The following PARN variants were observed in gnomAD, a reference collection of about 807,000 sequenced individuals.
PARN encodes poly(A)-specific ribonuclease PARN.
PARN carries 71 observed loss-of-function variants against 102.8 expected under a neutral mutation model. The observed-to-expected ratio is 0.69, with a 90% CI of 0.57 to 0.84. PARN has a LOEUF of 0.84. PARN is among the 40% of genes least tolerant of loss of function. The probability of loss-of-function intolerance (pLI) is 0.00; values close to 1 mark genes in which losing one functional copy is unlikely to be tolerated. For missense variants in PARN, 782 were observed against 760.9 expected (o/e 1.03, Z -0.33); for synonymous variants, 261 against 252.9 (o/e 1.03, Z -0.30).
chr16:14,616,981 C>G (rs890440972), intron 6 of PARN, among the ~76,000 whole-genome samples: 1 of 150,266 alleles, frequency 6.7e-6, no homozygotes, highest in African/African-American at 2.5e-5. Context: ...AAACTGCACT[C>G]GATAAAAACA....
At chr16:14,515,541 C>T (rs1328482420) in intron 21 of PARN, among the ~76,000 whole-genome samples, 4 of 152,014 alleles carry the variant, frequency 2.6e-5, no homozygotes, top group African/African-American at 4.8e-5. Flanking sequence ...ATTCTCCCTA[C>T]GGCCAATGAA....
intron 21 of PARN, among the ~76,000 whole-genome samples, chr16:14,506,202 G>C (rs1964888445): frequency 6.6e-6 from 1 of 152,142 alleles, no homozygotes; most frequent in Non-Finnish European, 1.5e-5. Flanking sequence ...CAACTGATCT[G>C]AACTCCTCAG....
chr16:14,487,063 G>A (rs1200596224), intron 21 of PARN, among the ~76,000 whole-genome samples: 3 of 152,342 alleles, frequency 2.0e-5, no homozygotes, highest in East Asian at 1.9e-4. Flanking sequence ...GATCCCAACC[G>A]GCCCACCCGG....
intron 18 of PARN, among the ~76,000 whole-genome samples, chr16:14,563,522 G>GTGTGTGTGTATATATA (rs1423811963): frequency 2.0e-3 from 304 of 149,232 alleles, no homozygotes; most frequent in African/African-American, 2.0e-3. Context: ...GTGTGTGTGT[G>GTGTGTGTGTATATATA]TATATAATTC....
intron 21 of PARN, among the ~76,000 whole-genome samples, chr16:14,545,904 G>A (rs72787678): frequency 0.083 from 12,572 of 152,070 alleles, 827 homozygotes; most frequent in South Asian, 0.31. Flanking sequence ...AATCACATAC[G>A]GTTCTAGCTC....
intron 15 of PARN, 129 bp downstream of exon 15, chr16:14,584,620 C>T: frequency 1.3e-6 from 1 of 781,138 alleles, no homozygotes; most frequent in South Asian, 1.6e-5. Context: ...CAAAGTATAA[C>T]CAAATGAATA....
intron 23 of PARN, among the ~76,000 whole-genome samples, chr16:14,442,915 A>C (rs1480631402): frequency 1.3e-5 from 2 of 152,236 alleles, no homozygotes; most frequent in Non-Finnish European, 2.9e-5. Flanking sequence ...TTATCACATG[A>C]AAGTCTAGAT....
At chr16:14,553,305 T>G (rs1379924547) in intron 20 of PARN, among the ~76,000 whole-genome samples, 1 of 150,364 alleles carries the variant, frequency 6.7e-6, no homozygotes, top group African/African-American at 2.4e-5. Context: ...TGGTGTTAAG[T>G]TACATGGAAA....
chr16:14,539,244 T>C (rs1966748060), intron 21 of PARN, among the ~76,000 whole-genome samples: 2 of 152,110 alleles, frequency 1.3e-5, no homozygotes. Flanking sequence ...GCCAGTAATA[T>C]GGATAAGAAA....
At chr16:14,580,830 CCA>C (rs747074375) in intron 18 of PARN, 42 bp downstream of exon 18, 1 of 1,162,946 alleles carries the variant, frequency 8.6e-7, no homozygotes, top group African/African-American at 1.5e-5. Flanking sequence ...TGAGGCTGTT[CCA>C]CAGTGAGAGA....
intron 21 of PARN, among the ~76,000 whole-genome samples, chr16:14,548,621 C>T (rs1467702753): frequency 6.6e-6 from 1 of 152,094 alleles, no homozygotes; most frequent in Admixed American, 6.6e-5. Flanking sequence ...GCTATGAAAG[C>T]ACAGAGAATG....
rs148595938 is a variant in PARN, at chr16:14,566,529, A to C, written c.1263-10820T>G. Among the ~76,000 whole-genome samples, 83 of 152,282 alleles carry C rather than the reference A, an allele frequency of 5.5e-4. 2 individuals carry two copies. In the East Asian group the frequency reaches 0.014, roughly 26 times the overall value. ...CTCCAGAACCATGAGAGATGTATTC[A>C]CCTAAAACACTTGGTATTTTAAGCC... On this transcript the variant is annotated intron_variant, in intron 18 of 23. Coordinates refer to ENST00000437198, the MANE Select transcript of PARN (RefSeq NM_002582.4).
In PARN at chr16:14,584,424, TGCAAACCACGAA is replaced by T. The variant is rs1275528402; in HGVS notation, c.1006-14_1006-3del. 1 of 1,610,910 alleles carries T rather than the reference TGCAAACCACGAA, an allele frequency of 6.2e-7. No homozygotes were observed. Among genetic ancestry groups the T allele is most frequent in the Non-Finnish European group, 8.5e-7 (1 of 1,177,556 alleles). On this transcript the variant is annotated splice_region_variant and splice_polypyrimidine_tract_variant and intron_variant, in intron 15 of 23. Coordinates refer to ENST00000437198, the MANE Select transcript of PARN (RefSeq NM_002582.4). ...AAGGGATGTGTTGTTAATGATATCC[TGCAAACCACGAA>T]GCAAAGAATTATGAGATTTCATCAT...
intron 18 of PARN, among the ~76,000 whole-genome samples, chr16:14,579,646 C>A (rs1969380293): frequency 1.3e-5 from 2 of 152,026 alleles, no homozygotes; most frequent in African/African-American, 2.4e-5. Context: ...AATTTAACAT[C>A]AAGTACATAA....
At chr16:14,446,664 A>C (rs1596432337) in intron 23 of PARN, among the ~76,000 whole-genome samples, 2 of 152,198 alleles carry the variant, frequency 1.3e-5, no homozygotes, top group East Asian at 3.9e-4. Flanking sequence ...TAGACTAGCC[A>C]TCTTTAACAA....
In PARN at chr16:14,482,674, G is replaced by C; in HGVS notation, c.1634C>G (p.Pro545Arg). The C allele has an allele frequency of 6.2e-7, 1 of 1,613,402 alleles. No homozygotes were observed. The highest frequency in any genetic ancestry group is 8.5e-7 in the Non-Finnish European group (1 of 1,179,650). The change falls in exon 22 of 24, where the codon CCC becomes CGC. Residue 545 changes from proline (P) to arginine (R), a missense_variant. By Grantham distance (103) the Pro-to-Arg change is moderately radical. Transcript: ENST00000437198. ...GTAATAGTGATTCTGCAGGGTGTAG[G>C]GTATGCACTGGGGGTTTAACCGTTT... The part of the protein sequence containing the change: ...DSKRLNPQCI[P>R]YTLQNHYYRN...
intron 21 of PARN, among the ~76,000 whole-genome samples, chr16:14,548,566 G>T (rs951903244): frequency 9.2e-5 from 14 of 152,178 alleles, no homozygotes; most frequent in Admixed American, 2.6e-4. Context: ...CTCTCAAAGA[G>T]TTTACAGTCT....
intron 18 of PARN, among the ~76,000 whole-genome samples, chr16:14,566,362 A>G (rs1335545846): frequency 1.3e-5 from 2 of 152,164 alleles, no homozygotes; most frequent in East Asian, 1.9e-4. Flanking sequence ...GGGGACAGAG[A>G]CTGGAGTGAT....
chr16:14,545,136 C>T (rs956215929), intron 21 of PARN, among the ~76,000 whole-genome samples: 3 of 152,004 alleles, frequency 2.0e-5, no homozygotes, highest in Admixed American at 6.6e-5. Flanking sequence ...TACAGTGAGC[C>T]GAGATCATAC....
Sources: allele counts gnomAD v4.1 joint callset (sites outside exome capture counted in the v4.1 genomes callset), GRCh38; gene constraint gnomAD v4.1.1; transcripts MANE v1.5; gene names NCBI Gene and HGNC (gene_info 2026-07-23, HGNC 2026-07-21).